The following PIK3CG variants were observed in gnomAD, a reference collection of about 807,000 sequenced individuals.
PIK3CG encodes the protein phosphatidylinositol 4,5-bisphosphate 3-kinase catalytic subunit gamma isoform.
In PIK3CG, 55 loss-of-function variants were observed where a neutral mutation model predicts 102.3. That is an observed-to-expected ratio of 0.54 (90% confidence interval 0.43 to 0.67). The LOEUF (loss-of-function observed/expected upper bound fraction) is 0.67. PIK3CG is among the 30% of genes least tolerant of loss of function. The pLI is 0.00. For synonymous variants in PIK3CG, 552 were observed against 540.0 expected (o/e 1.02, Z -0.31); for missense variants, 1,258 against 1,391.8 (o/e 0.90, Z 1.53).
In PIK3CG at chr7:106,877,929, A is replaced by G. The variant is rs1472473335; in HGVS notation, c.2392-1590A>G. On this transcript the variant is annotated intron_variant, in intron 5 of 10. Transcript: ENST00000496166. The surrounding 1 kb of genome is among the most constrained non-coding windows in gnomAD (Gnocchi z 4.5). ...ATAAGTTACTATTTTTGCCCTAAAC[A>G]GTTAAAAAATAGACTTAACAGACTT... Among the ~76,000 whole-genome samples the G allele has an allele frequency of 6.6e-6, 1 of 152,232 alleles. No individual in the cohort carries two copies. Among genetic ancestry groups the G allele is most frequent in the African/African-American group, 2.4e-5 (1 of 41,464 alleles).
chr7:106,905,603 G>T lies in PIK3CG; in HGVS notation c.*216G>T. The T allele has an allele frequency of 7.4e-6, 4 of 538,772 alleles. No homozygotes were observed. Among genetic ancestry groups the T allele is most frequent in the East Asian group, 3.1e-5 (1 of 32,560 alleles). 33.4% of individuals were successfully genotyped at this position (538,772 alleles called of 1,614,324 possible). A position where few individuals can be genotyped will look rare whatever the true frequency, so the allele number is the denominator to read the frequency against. On this transcript the variant is annotated 3_prime_UTR_variant, in exon 11 of 11. Transcript: ENST00000496166. The surrounding 1 kb of genome is among the most constrained non-coding windows in gnomAD (Gnocchi z 5.6). ...CAGTGCTAGGATTATTTGCAGGTTTGGTTTTTTCTCATTTGTCTGTGGCAT... is the reference window on the plus strand; with the variant it reads ...CAGTGCTAGGATTATTTGCAGGTTTTGTTTTTTCTCATTTGTCTGTGGCAT...
chr7:106,876,289 C>G (rs1289098410), intron 5 of PIK3CG, among the ~76,000 whole-genome samples: 4 of 152,098 alleles, frequency 2.6e-5, no homozygotes, highest in African/African-American at 9.7e-5. Context: ...ATTTGCATTT[C>G]CATAATAAGG....
Position 106,908,509 on chromosome 7 carries a change from G to A in PIK3CG, c.*3122G>A, listed in dbSNP as rs1374688511. 2.0e-5 allele frequency among the ~76,000 whole-genome samples: 3 copies of A among 152,160 alleles called. No homozygotes were observed. The highest frequency in any genetic ancestry group is 4.8e-5 in the African/African-American group (2 of 41,432). On this transcript the variant is annotated 3_prime_UTR_variant, in exon 11 of 11. Coordinates refer to ENST00000496166, the MANE Select transcript of PIK3CG (RefSeq NM_001282426.2). This position sits in a 1 kb window ranked among gnomAD's most constrained non-coding sequence, Gnocchi z 4.1. ...ACTAAAATAAACCTAAGCAGATGTT[G>A]TAGACCTAGCCCCACAGGACTGCAT...
At position 106,893,925 on chromosome 7, in the gene PIK3CG, CT is replaced by C. The variant is rs1791332636; in HGVS notation, c.3030+7634del. On this transcript the variant is annotated intron_variant, in intron 10 of 10. Coordinates refer to ENST00000496166, the MANE Select transcript of PIK3CG (RefSeq NM_001282426.2). This position sits in a 1 kb window ranked among gnomAD's most constrained non-coding sequence, Gnocchi z 4.4. ...TGTACAGCATGTTACTTACTGAATA[CT>C]GTAGGCAGTTGTGACACAATGTTAT... Among the ~76,000 whole-genome samples the C allele has an allele frequency of 6.6e-6, 1 of 152,174 alleles. No homozygotes were observed. The highest frequency in any genetic ancestry group is 1.5e-5 in the Non-Finnish European group (1 of 68,034).
chr7:106,869,165 C>T lies in PIK3CG; in HGVS notation c.1604C>T (p.Thr535Ile), dbSNP rs2116459458. 3 of 1,614,216 alleles carry T rather than the reference C, an allele frequency of 1.9e-6. No individual in the cohort carries two copies. The highest frequency in any genetic ancestry group is 2.2e-5 in the South Asian group (2 of 91,084). ...ATAGCCCTGCCTAAGCATCAGCCCA[C>T]CCCTGACCCGGAAGGGGACCGGGTT... is the stretch of plus-strand genomic sequence containing the variant. ...HPIALPKHQP[T>I]PDPEGDRVRA... Residue 535 changes from threonine (T) to isoleucine (I), a missense_variant, in exon 2 of 11, where the codon ACC becomes ATC. Thr to Ile is a moderately conservative substitution (Grantham distance 89). Transcript: ENST00000496166. This position sits in a 1 kb window ranked among gnomAD's most constrained non-coding sequence, Gnocchi z 5.3.
chr7:106,868,121 A>G lies in PIK3CG; in HGVS notation c.560A>G (p.Glu187Gly). 1 of 1,611,364 alleles carries G rather than the reference A, an allele frequency of 6.2e-7. No homozygotes were observed. The highest frequency in any genetic ancestry group is 8.5e-7 in the Non-Finnish European group (1 of 1,179,010). ...RRGLVTPRMA[E>G]VASRDPKLYA... is the part of the protein sequence containing the mutation. ...GGCTTGGTGACCCCGCGCATGGCGG[A>G]GGTGGCCAGCCGCGACCCCAAGCTC... The change falls in exon 2 of 11, where the codon GAG (glutamate) becomes GGG (glycine). Residue 187 changes from glutamate (E) to glycine (G), a missense_variant. Physicochemically the swap from Glu to Gly is moderately conservative, Grantham distance 98. This residue lies in a region of PIK3CG where 832 missense variants were observed against 787.5 expected (regional missense o/e 1.06). Coordinates refer to ENST00000496166, the MANE Select transcript of PIK3CG (RefSeq NM_001282426.2). The surrounding 1 kb of genome is among the most constrained non-coding windows in gnomAD (Gnocchi z 6.2).
intron 10 of PIK3CG, among the ~76,000 whole-genome samples, chr7:106,887,011 AG>A (rs1234250532): frequency 1.3e-5 from 2 of 152,244 alleles, no homozygotes; most frequent in East Asian, 3.9e-4. Context: ...ATCACAAAAA[AG>A]CCTCACAGTG....
rs1790462169 is a variant in PIK3CG, at chr7:106,869,622, A to G, written c.1995+66A>G. On this transcript the variant is annotated intron_variant, in intron 2 of 10. Transcript: ENST00000496166. This position sits in a 1 kb window ranked among gnomAD's most constrained non-coding sequence, Gnocchi z 5.3. ...GGAATTGATTTGCATATGCACAGGC[A>G]CTCCATTCAGTTGTCATCAAATGCC... is the stretch of plus-strand genomic sequence containing the variant. 1 of 1,322,886 alleles carries G rather than the reference A, an allele frequency of 7.6e-7. No individual in the cohort carries two copies. The highest frequency in any genetic ancestry group is 2.4e-5 in the Admixed American group (1 of 41,174). 81.9% of individuals were successfully genotyped at this position (1,322,886 alleles called of 1,614,324 possible). A position where few individuals can be genotyped will look rare whatever the true frequency, so the allele number is the denominator to read the frequency against.
Position 106,903,528 on chromosome 7 carries a change from TGTTCATCCTA to T in PIK3CG, c.3031-1579_3031-1570del, listed in dbSNP as rs1791612514. On this transcript the variant is annotated intron_variant, in intron 10 of 10. Coordinates refer to ENST00000496166, the MANE Select transcript of PIK3CG (RefSeq NM_001282426.2). The surrounding 1 kb of genome is among the most constrained non-coding windows in gnomAD (Gnocchi z 4.3). ...AAGCATAGGTTCTACATGTTTTATG[TGTTCATCCTA>T]GGAATCATGTTATTGTTGTTACCAT... Among the ~76,000 whole-genome samples, 5 of 151,972 alleles carry T rather than the reference TGTTCATCCTA, an allele frequency of 3.3e-5. No homozygotes were observed. The South Asian group carries it at 1.0e-3, about 31-fold the overall frequency.
rs148643274 is a variant in PIK3CG at position 106,904,050 on chromosome 7, C to T, written c.3031-1059C>T. Reference sequence around the variant, plus strand: ...TGCTAGGATTACAGGTGTGAGCCACCGCACCAGGCCCACTTTTCTGATTTC... The same window carrying T: ...TGCTAGGATTACAGGTGTGAGCCACTGCACCAGGCCCACTTTTCTGATTTC... On this transcript the variant is annotated intron_variant, in intron 10 of 10. Coordinates refer to ENST00000496166, the MANE Select transcript of PIK3CG (RefSeq NM_001282426.2). 3.4e-3 allele frequency among the ~76,000 whole-genome samples: 518 copies of T among 152,174 alleles called. 1 individual carries two copies. The highest frequency in any genetic ancestry group is 5.1e-3 in the Non-Finnish European group (347 of 68,010).
At position 106,905,571 on chromosome 7, in the gene PIK3CG, C is replaced by G. The variant is rs990735210; in HGVS notation, c.*184C>G. The G allele has an allele frequency of 1.3e-5, 8 of 614,096 alleles. No homozygotes were observed. Among genetic ancestry groups the G allele is most frequent in the Middle Eastern group, 4.3e-4 (1 of 2,304 alleles). The allele number at this position is 614,096 out of a possible 1,614,324, so 38.0% of individuals were successfully genotyped here. ...TGGCATTGCTGATTGTTTGGTTAAG[C>G]AATGTCCAGTGCTAGGATTATTTGC... On this transcript the variant is annotated 3_prime_UTR_variant, in exon 11 of 11. Coordinates refer to ENST00000496166, the MANE Select transcript of PIK3CG (RefSeq NM_001282426.2). This position sits in a 1 kb window ranked among gnomAD's most constrained non-coding sequence, Gnocchi z 5.6.
rs774334457 is a variant in PIK3CG, at chr7:106,869,185, C to T, written c.1624C>T (p.Arg542Trp). 1.2e-6 allele frequency: 2 copies of T among 1,614,204 alleles called. No individual in the cohort carries two copies. Among genetic ancestry groups the T allele is most frequent in the Non-Finnish European group, 1.7e-6 (2 of 1,180,042 alleles). ...GCCCACCCCTGACCCGGAAGGGGAC[C>T]GGGTTCGAGCAGAAATGCCCAACCA... ...HQPTPDPEGD[R>W]VRAEMPNQLR... Residue 542 changes from arginine (R) to tryptophan (W), a missense_variant, in exon 2 of 11, where the codon CGG (arginine) becomes TGG (tryptophan). Around this residue, in one of 2 missense-constraint regions of PIK3CG, gnomAD observed 832 missense variants for 787.5 expected, o/e 1.06. Transcript: ENST00000496166. The surrounding 1 kb of genome is among the most constrained non-coding windows in gnomAD (Gnocchi z 5.3).
intron 5 of PIK3CG, among the ~76,000 whole-genome samples, chr7:106,878,711 A>G (rs1352830698): frequency 1.3e-5 from 2 of 152,206 alleles, no homozygotes; most frequent in East Asian, 3.8e-4. Context: ...GCGAAGCCAC[A>G]TGAGAAGATG....
chr7:106,870,578 G>A (rs547342149), intron 2 of PIK3CG, among the ~76,000 whole-genome samples: 19 of 152,330 alleles, frequency 1.2e-4, no homozygotes, highest in Non-Finnish European at 1.2e-4. Context: ...ACCGTATTAT[G>A]AGAAAACAGT....
intron 10 of PIK3CG, among the ~76,000 whole-genome samples, chr7:106,904,135 A>T (rs1247540019): frequency 1.3e-5 from 2 of 152,148 alleles, no homozygotes; most frequent in Non-Finnish European, 2.9e-5. Context: ...ATTTCAAATA[A>T]TTCTTCACAT....
Position 106,872,934 on chromosome 7 carries a change from C to T in PIK3CG, c.2283C>T (p.Ser761=), listed in dbSNP as rs2116490383. Residue 761 remains serine, a synonymous_variant, in exon 4 of 11, where the codon TCC becomes TCT. Coordinates refer to ENST00000496166, the MANE Select transcript of PIK3CG (RefSeq NM_001282426.2). This position sits in a 1 kb window ranked among gnomAD's most constrained non-coding sequence, Gnocchi z 5.3. ...CTGCTGAAAAGTATGACGTCAGTTC[C>T]CAAGGTACGGTGGCTATATTTTCTG... is the stretch of plus-strand genomic sequence containing the variant. ...SLSAEKYDVS[S]QVISQLKQKL... 1 of 1,607,192 alleles carries T rather than the reference C, an allele frequency of 6.2e-7. No homozygotes were observed. The highest frequency in any genetic ancestry group is 8.5e-7 in the Non-Finnish European group (1 of 1,173,698).
Position 106,905,587 on chromosome 7 carries a change from G to A in PIK3CG, c.*200G>A. The A allele has an allele frequency of 1.7e-6, 1 of 573,804 alleles. No homozygotes were observed. The highest frequency in any genetic ancestry group is 3.0e-6 in the Non-Finnish European group (1 of 329,130). 35.5% of individuals were successfully genotyped at this position (573,804 alleles called of 1,614,324 possible). ...TTGGTTAAGCAATGTCCAGTGCTAG[G>A]ATTATTTGCAGGTTTGGTTTTTTCT... On this transcript the variant is annotated 3_prime_UTR_variant, in exon 11 of 11. Transcript: ENST00000496166. The surrounding 1 kb of genome is among the most constrained non-coding windows in gnomAD (Gnocchi z 5.6).
chr7:106,870,691 T>G (rs1476081772), intron 2 of PIK3CG, among the ~76,000 whole-genome samples: 1 of 152,244 alleles, frequency 6.6e-6, no homozygotes, highest in Non-Finnish European at 1.5e-5. Flanking sequence ...GACTAAATTT[T>G]ACACACTAAA....
intron 7 of PIK3CG, 96 bp from the exon 8 acceptor site, chr7:106,882,937 A>AAACCACAG: frequency 1.1e-6 from 1 of 924,274 alleles, no homozygotes; most frequent in Non-Finnish European, 1.5e-6. Flanking sequence ...AAAAAAAAAA[A>AAACCACAG]CCCTCTGCCC....
Sources: gnomAD v4.1 joint callset for allele counts (sites outside exome capture counted in the v4.1 genomes callset) on GRCh38, gnomAD v4.1.1 for gene constraint, gnomAD v4.1.1 regional missense constraint, Gnocchi (gnomAD v3.1) non-coding constraint, MANE v1.5 for transcripts, NCBI Gene and HGNC (gene_info 2026-07-23, HGNC 2026-07-21) for gene names.